The following SLC9A9 variants were observed in gnomAD, a reference collection of about 807,000 sequenced individuals.
SLC9A9 encodes sodium/hydrogen exchanger 9.
Under a neutral mutation model 77.8 loss-of-function variants are expected in SLC9A9, and 62 were observed. That is an observed-to-expected ratio of 0.80 (90% CI 0.65 to 0.98). The LOEUF is 0.98. Among genes scored for constraint, SLC9A9 ranks in the 50% least tolerant of loss-of-function variants. The pLI, the probability that SLC9A9 is intolerant of heterozygous loss-of-function variation, is 0.00. For missense variants in SLC9A9, 775 were observed against 774.9 expected (o/e 1.00, Z 0.00); for synonymous variants, 320 against 283.5 (o/e 1.13, Z -1.29).
intron 5 of SLC9A9, among the ~76,000 whole-genome samples, chr3:143,652,765 T>C (rs1242067): frequency 0.72 from 108,533 of 150,140 alleles, 39,723 homozygotes; most frequent in African/African-American, 0.84. Flanking sequence ...CTACCATCCT[T>C]GTATTCCTTA....
At chr3:143,821,210 A>G (rs913912775) in intron 2 of SLC9A9, among the ~76,000 whole-genome samples, 1 of 152,242 alleles carries the variant, frequency 6.6e-6, no homozygotes, top group African/African-American at 2.4e-5. Context: ...ATCTTTCTCC[A>G]TCACACGCTC....
chr3:143,559,958 G>C (rs553796605), intron 8 of SLC9A9, among the ~76,000 whole-genome samples: 1 of 152,294 alleles, frequency 6.6e-6, no homozygotes, highest in South Asian at 2.1e-4. Context: ...TCTTACTGCT[G>C]TTTCTTACCA....
chr3:143,742,086 G>A (rs1935086277), intron 4 of SLC9A9, among the ~76,000 whole-genome samples: 2 of 151,994 alleles, frequency 1.3e-5, no homozygotes, highest in Non-Finnish European at 1.5e-5. Context: ...CTGCTCTTAA[G>A]ATCAGTGCTG....
At chr3:143,630,720 A>C (rs956853246) in intron 6 of SLC9A9, among the ~76,000 whole-genome samples, 1 of 152,196 alleles carries the variant, frequency 6.6e-6, no homozygotes, top group Admixed American at 6.6e-5. Context: ...AAATTTAAAA[A>C]ATAAATTCAT....
At chr3:143,517,576 A>C in intron 9 of SLC9A9, 1 of 1,597,576 alleles carries the variant, frequency 6.3e-7, no homozygotes, top group South Asian at 1.1e-5. Flanking sequence ...TCAGCATTGC[A>C]CTAGCATCTT....
chr3:143,710,698 G>C (rs370834637), intron 4 of SLC9A9, among the ~76,000 whole-genome samples: 41 of 152,310 alleles, frequency 2.7e-4, no homozygotes, highest in African/African-American at 9.9e-4. Context: ...GAGTTTACCA[G>C]GGCTGGAAAT....
At chr3:143,482,750 G>A (rs2035593546) in intron 11 of SLC9A9, among the ~76,000 whole-genome samples, 1 of 152,186 alleles carries the variant, frequency 6.6e-6, no homozygotes, top group African/African-American at 2.4e-5. Context: ...TAAAACAAGT[G>A]GACTGATCTT....
intron 6 of SLC9A9, among the ~76,000 whole-genome samples, chr3:143,619,066 C>G (rs1559996436): frequency 6.6e-6 from 1 of 152,186 alleles, no homozygotes; most frequent in Non-Finnish European, 1.5e-5. Flanking sequence ...CTACACACCT[C>G]TATCTAACTC....
chr3:143,668,274 T>G (rs2039103172), intron 5 of SLC9A9, among the ~76,000 whole-genome samples: 1 of 135,998 alleles, frequency 7.4e-6, no homozygotes, highest in Admixed American at 8.8e-5. Flanking sequence ...AGGTGGGAAC[T>G]AAACAATGAG....
intron 11 of SLC9A9, among the ~76,000 whole-genome samples, chr3:143,478,387 G>T (rs2035518054): frequency 6.6e-6 from 1 of 152,150 alleles, no homozygotes; most frequent in Non-Finnish European, 1.5e-5. Context: ...TTGCCCTGGG[G>T]TCTCCTCCTT....
intron 14 of SLC9A9, among the ~76,000 whole-genome samples, chr3:143,332,486 G>A (rs561921993): frequency 2.0e-5 from 3 of 152,218 alleles, no homozygotes; most frequent in African/African-American, 7.2e-5. Context: ...TTAGAGTGGG[G>A]AGAATCTTGA....
At chr3:143,695,898 T>A (rs540220540) in intron 4 of SLC9A9, among the ~76,000 whole-genome samples, 1 of 152,258 alleles carries the variant, frequency 6.6e-6, no homozygotes, top group African/African-American at 2.4e-5. Flanking sequence ...ATTTCTCTAA[T>A]GACCAGTGAT....
intron 14 of SLC9A9, among the ~76,000 whole-genome samples, chr3:143,282,558 T>C (rs1202328035): frequency 1.3e-5 from 2 of 152,170 alleles, no homozygotes; most frequent in African/African-American, 4.8e-5. Context: ...GGGTGGCCAA[T>C]GAAATAGAAG....
chr3:143,397,284 G>T (rs2033752029), intron 12 of SLC9A9, among the ~76,000 whole-genome samples: 1 of 152,230 alleles, frequency 6.6e-6, no homozygotes, highest in East Asian at 1.9e-4. Context: ...GGATTTATCA[G>T]AGTCAAATGC....
intron 5 of SLC9A9, among the ~76,000 whole-genome samples, chr3:143,662,684 C>T (rs747178007): frequency 3.4e-5 from 5 of 148,888 alleles, no homozygotes; most frequent in South Asian, 2.2e-4. Context: ...CCTACGCCCA[C>T]GGAGCCTTGC....
intron 12 of SLC9A9, among the ~76,000 whole-genome samples, chr3:143,445,018 T>A (rs1392940271): frequency 6.6e-6 from 1 of 152,148 alleles, no homozygotes; most frequent in Non-Finnish European, 1.5e-5. Context: ...TAGCCCCGGT[T>A]TTCCTCTGCT....
At chr3:143,720,404 A>G (rs777191900) in intron 4 of SLC9A9, among the ~76,000 whole-genome samples, 32 of 152,182 alleles carry the variant, frequency 2.1e-4, no homozygotes, top group African/African-American at 7.7e-4. Context: ...TTTCCTGCCA[A>G]TCAAAGTCAG....
intron 9 of SLC9A9, among the ~76,000 whole-genome samples, chr3:143,530,352 C>T (rs948925800): frequency 2.7e-4 from 41 of 152,056 alleles, no homozygotes; most frequent in African/African-American, 7.0e-4. Context: ...ATAAGTCTCA[C>T]GAGAACTGAT....
At chr3:143,715,028 C>T (rs1934298704) in intron 4 of SLC9A9, among the ~76,000 whole-genome samples, 1 of 152,180 alleles carries the variant, frequency 6.6e-6, no homozygotes, top group East Asian at 1.9e-4. Flanking sequence ...TGCCTGCTGT[C>T]ATCCGTGTAA....
Sources: allele counts gnomAD v4.1 joint callset (sites outside exome capture counted in the v4.1 genomes callset), GRCh38; gene constraint gnomAD v4.1.1; transcripts MANE v1.5; gene names NCBI Gene and HGNC (gene_info 2026-07-23, HGNC 2026-07-21).